Variants in FBXO42 observed in about 807,000 individuals in gnomAD.
FBXO42 encodes F-box only protein 42.
In FBXO42, 12 loss-of-function variants were observed where a neutral mutation model predicts 71.7. The observed-to-expected ratio is 0.17, with a 90% confidence interval of 0.11 to 0.27. The LOEUF (loss-of-function observed/expected upper bound fraction) is 0.27. FBXO42 is among the 10% of genes least tolerant of loss of function. The pLI is 1.00. For missense variants in FBXO42, 707 were observed against 911.9 expected (o/e 0.78, Z 2.89); for synonymous variants, 325 against 327.5 (o/e 0.99, Z 0.08).
rs771432391 is a variant in FBXO42, at chr1:16,250,966, G to A, written c.1858C>T (p.Arg620Cys). 16 of 1,614,072 alleles carry A rather than the reference G, an allele frequency of 9.9e-6. No homozygotes were observed. The Admixed American group carries it at 1.0e-4, about 10-fold the overall frequency. ...DGHSLPPIAR[R>C]LGHHPPQSLN... ...GACTGTGGAGGGTGGTGGCCCAGGC[G>A]GCGAGCAATGGGAGGTAAGGAATGT... is the stretch of plus-strand genomic sequence containing the variant. The change falls in exon 10 of 10, where the codon CGC becomes TGC. Residue 620 changes from arginine (R) to cysteine (C), a missense_variant. This residue lies in a region of FBXO42 where 482 missense variants were observed against 587.1 expected (regional missense o/e 0.82). Coordinates refer to ENST00000375592, the MANE Select transcript of FBXO42 (RefSeq NM_018994.3). The surrounding 1 kb of genome is among the most constrained non-coding windows in gnomAD (Gnocchi z 4.7).
chr1:16,302,746 G>A (rs1247165597), intron 3 of FBXO42, among the ~76,000 whole-genome samples: 1 of 152,212 alleles, frequency 6.6e-6, no homozygotes, highest in African/African-American at 2.4e-5. Flanking sequence ...CTGACCTCAA[G>A]TGATCCGCCC....
intron 3 of FBXO42, among the ~76,000 whole-genome samples, chr1:16,299,166 C>G (rs2082163215): frequency 6.6e-6 from 1 of 152,014 alleles, no homozygotes; most frequent in African/African-American, 2.4e-5. Flanking sequence ...CATGTGCCAC[C>G]ATGCCTGGCT....
chr1:16,340,655 G>A (rs2082595678), intron 1 of FBXO42, among the ~76,000 whole-genome samples: 1 of 152,018 alleles, frequency 6.6e-6, no homozygotes, highest in South Asian at 2.1e-4. Context: ...GCCATGCCAA[G>A]GTTAAGTTAC....
intron 3 of FBXO42, among the ~76,000 whole-genome samples, chr1:16,300,517 C>A (rs992068654): frequency 6.6e-6 from 1 of 152,268 alleles, no homozygotes; most frequent in African/African-American, 2.4e-5. Flanking sequence ...CATTTTCAGA[C>A]GTCAAATTCT....
At chr1:16,259,838 T>C (rs1176924110) in intron 4 of FBXO42, among the ~76,000 whole-genome samples, 6 of 150,430 alleles carry the variant, frequency 4.0e-5, no homozygotes, top group Non-Finnish European at 7.4e-5. Context: ...GACATATTCA[T>C]AGAATTTTTA....
At chr1:16,298,315 C>A (rs959363765) in intron 3 of FBXO42, among the ~76,000 whole-genome samples, 1 of 152,126 alleles carries the variant, frequency 6.6e-6, no homozygotes, top group African/African-American at 2.4e-5. Context: ...ATTACTGGAG[C>A]CACATTTTAA....
At chr1:16,309,838 G>C (rs899168494) in intron 2 of FBXO42, among the ~76,000 whole-genome samples, 2 of 151,888 alleles carry the variant, frequency 1.3e-5, no homozygotes, top group Non-Finnish European at 1.5e-5. Flanking sequence ...GAAGTCAGGA[G>C]TTTGAGACCA....
At chr1:16,315,892 C>A (rs185629974) in intron 1 of FBXO42, among the ~76,000 whole-genome samples, 1 of 151,972 alleles carries the variant, frequency 6.6e-6, no homozygotes, top group Non-Finnish European at 1.5e-5. Flanking sequence ...GTTTTTCGAC[C>A]AGGCATGGTG....
chr1:16,256,868 A>T (rs2081651631), intron 4 of FBXO42, 109 bp from the exon 5 acceptor site: 3 of 1,162,096 alleles, frequency 2.6e-6, no homozygotes, highest in Non-Finnish European at 3.7e-6. Context: ...AGGGGAACTA[A>T]TACTACAAAG....
chr1:16,269,263 A>G (rs79226370), intron 4 of FBXO42, among the ~76,000 whole-genome samples: 4,009 of 145,428 alleles, frequency 0.028, 180 homozygotes, highest in African/African-American at 0.095. Flanking sequence ...AATTTTCTAT[A>G]TTTTTAGTAG....
intron 1 of FBXO42, among the ~76,000 whole-genome samples, chr1:16,332,271 A>C (rs1322732330): frequency 6.6e-6 from 1 of 152,146 alleles, no homozygotes; most frequent in Non-Finnish European, 1.5e-5. Context: ...CTTAAAAATG[A>C]CAGTAAATTT....
intron 4 of FBXO42, among the ~76,000 whole-genome samples, chr1:16,265,082 C>T (rs983591016): frequency 4.6e-5 from 7 of 152,074 alleles, no homozygotes; most frequent in Admixed American, 1.3e-4. Flanking sequence ...ATTTTATGCA[C>T]GATTTAAAAA....
chr1:16,341,600 T>G (rs903900417), intron 1 of FBXO42, among the ~76,000 whole-genome samples: 1 of 113,018 alleles, frequency 8.8e-6, no homozygotes, highest in Non-Finnish European at 1.7e-5. Context: ...CAAGTGAGAC[T>G]GCGTCTTTTA....
intron 1 of FBXO42, among the ~76,000 whole-genome samples, chr1:16,330,436 G>GGTGGAGGCTGCAGGGAGCTATGGT (rs1553155208): frequency 1.3e-5 from 2 of 152,164 alleles, no homozygotes; most frequent in East Asian, 3.9e-4. Flanking sequence ...GAGCCCAAGA[G>GGTGGAGGCTGCAGGGAGCTATGGT]GTGGAGGCTG....
chr1:16,266,660 G>A (rs962714709), intron 4 of FBXO42, among the ~76,000 whole-genome samples: 1 of 152,142 alleles, frequency 6.6e-6, no homozygotes, highest in Non-Finnish European at 1.5e-5. Context: ...GCGTGTGTAT[G>A]GGGGGTGGGA....
At chr1:16,254,229 T>C (rs139766956) in intron 6 of FBXO42, among the ~76,000 whole-genome samples, 132 of 152,298 alleles carry the variant, frequency 8.7e-4, no homozygotes, top group Non-Finnish European at 1.4e-3. Context: ...TAACCATCTA[T>C]TAACTGAAGT....
intron 2 of FBXO42, among the ~76,000 whole-genome samples, chr1:16,306,495 C>G (rs1364808672): frequency 6.6e-6 from 1 of 152,038 alleles, no homozygotes; most frequent in African/African-American, 2.4e-5. Flanking sequence ...TATTTTATCT[C>G]ATAAGGCAAC....
chr1:16,295,136 A>C (rs1339136064), intron 3 of FBXO42, among the ~76,000 whole-genome samples: 2 of 152,216 alleles, frequency 1.3e-5, no homozygotes, highest in Non-Finnish European at 2.9e-5. Context: ...TTCTGAGCAC[A>C]CTAAGCAAGT....
chr1:16,271,639 G>C (rs980191359), intron 4 of FBXO42, among the ~76,000 whole-genome samples: 3 of 151,856 alleles, frequency 2.0e-5, no homozygotes, highest in Admixed American at 2.0e-4. Flanking sequence ...CCTGGCTCAG[G>C]AACACCCAAC....
Sources: gnomAD v4.1 joint callset for allele counts (sites outside exome capture counted in the v4.1 genomes callset) on GRCh38, gnomAD v4.1.1 for gene constraint, gnomAD v4.1.1 regional missense constraint, Gnocchi (gnomAD v3.1) non-coding constraint, MANE v1.5 for transcripts, NCBI Gene and HGNC (gene_info 2026-07-23, HGNC 2026-07-21) for gene names.